AAK1: variants seen among roughly 807,000 people sequenced by gnomAD.
The protein encoded by AAK1 is AP2 associated kinase 1, also known as AP2-associated protein kinase 1.
In AAK1, 37 loss-of-function variants were observed where a neutral mutation model predicts 116.0. That is an observed-to-expected ratio of 0.32 (90% CI 0.25 to 0.42). The LOEUF is 0.42. Among genes scored for constraint, AAK1 ranks in the 10% least tolerant of loss-of-function variants. The pLI is 1.00. For synonymous variants in AAK1, 458 were observed against 439.9 expected (o/e 1.04, Z -0.51); for missense variants, 919 against 1,170.6 (o/e 0.79, Z 3.14).
At chr2:69,495,743 A>AT (rs1675712941) in intron 17 of AAK1, among the ~76,000 whole-genome samples, 1 of 152,190 alleles carries the variant, frequency 6.6e-6, no homozygotes, top group Non-Finnish European at 1.5e-5. Flanking sequence ...AAAACTGAAC[A>AT]TTGATATAAT....
intron 13 of AAK1, among the ~76,000 whole-genome samples, chr2:69,514,130 G>A (rs1199938180): frequency 6.6e-6 from 1 of 152,218 alleles, no homozygotes; most frequent in Non-Finnish European, 1.5e-5. Context: ...CCTTGAAGAA[G>A]AGAAAGGGAT....
intron 16 of AAK1, among the ~76,000 whole-genome samples, chr2:69,504,016 T>A (rs1676077871): frequency 1.4e-5 from 2 of 139,058 alleles, no homozygotes; most frequent in Non-Finnish European, 3.2e-5. Flanking sequence ...AAAAAAAAAA[T>A]TATATTTTAG....
intron 12 of AAK1, among the ~76,000 whole-genome samples, chr2:69,515,174 A>G (rs1160485574): frequency 1.3e-5 from 2 of 152,258 alleles, no homozygotes; most frequent in Admixed American, 1.3e-4. Context: ...AACAGGATGA[A>G]GCAATGATGA....
At chr2:69,514,387 G>A in intron 13 of AAK1, 84 bp downstream of exon 13, 1 of 1,446,110 alleles carries the variant, frequency 6.9e-7, no homozygotes. Flanking sequence ...CTCATCAGCT[G>A]CTGCCATCTT....
intron 2 of AAK1, among the ~76,000 whole-genome samples, chr2:69,568,971 T>C (rs907238526): frequency 6.6e-6 from 1 of 152,158 alleles, no homozygotes; most frequent in Non-Finnish European, 1.5e-5. Flanking sequence ...TTGATTTCAC[T>C]GAGTCTTAAG....
At chr2:69,595,075 T>A in intron 2 of AAK1, 2 of 698,376 alleles carry the variant, frequency 2.9e-6, no homozygotes, top group Non-Finnish European at 5.3e-6. Context: ...GTGAGCACTA[T>A]CAGCATGGAA....
intron 2 of AAK1, among the ~76,000 whole-genome samples, chr2:69,560,025 T>A (rs985653810): frequency 4.6e-5 from 7 of 152,196 alleles, no homozygotes; most frequent in Non-Finnish European, 1.0e-4. Context: ...ATGACCATGA[T>A]AAATCTAAAA....
At position 69,634,175 on chromosome 2, in the gene AAK1, T is replaced by C. The variant is rs536652441; in HGVS notation, c.163+8703A>G. On this transcript the variant is annotated intron_variant, in intron 2 of 21. Coordinates refer to ENST00000409085, the MANE Select transcript of AAK1 (RefSeq NM_014911.5). ...ACAGCAAGACTCTGTCTGAAAAATA[T>C]ATATATAAAAAGAATGTTATGAGAA... 2.6e-3 allele frequency among the ~76,000 whole-genome samples: 365 copies of C among 141,734 alleles called. 2 individuals carry two copies. Among genetic ancestry groups the C allele is most frequent in the Admixed American group, 0.019 (255 of 13,190 alleles). 93.0% of individuals were successfully genotyped at this position (141,734 alleles called of 152,430 possible). A position where few individuals can be genotyped will look rare whatever the true frequency, so the allele number is the denominator to read the frequency against.
intron 13 of AAK1, among the ~76,000 whole-genome samples, chr2:69,509,896 A>G (rs912923858): frequency 2.0e-5 from 3 of 152,332 alleles, no homozygotes; most frequent in East Asian, 1.9e-4. Context: ...GTAAAGGCCA[A>G]TGAAGACGTA....
rs1674624194 is a variant in AAK1 at position 69,470,053 on chromosome 2, A to G, written c.*5816T>C. The G allele has an allele frequency of 1.0e-6, 1 of 985,458 alleles. No homozygotes were observed. Among genetic ancestry groups the G allele is most frequent in the Admixed American group, 6.1e-5 (1 of 16,288 alleles). 61.0% of individuals were successfully genotyped at this position (985,458 alleles called of 1,614,324 possible). On this transcript the variant is annotated 3_prime_UTR_variant, in exon 22 of 22. Transcript: ENST00000409085. ...TTCCCCTGGAAACTCCATCTGATTG[A>G]CATAGTGAGGGCCATCAGAATGCTC...
At chr2:69,530,190 T>C in intron 7 of AAK1, 50 bp from the exon 8 acceptor site, 1 of 1,540,100 alleles carries the variant, frequency 6.5e-7, no homozygotes, top group Non-Finnish European at 8.7e-7. Flanking sequence ...TTATCATGAC[T>C]CTAAATGGAT....
In AAK1 at chr2:69,469,472, T is replaced by C. The variant is rs1024778331; in HGVS notation, c.*6397A>G. ...CAGTTCCTTTATATGAAGGTAGCAT[T>C]GTGTCAACAAGAAAACGTGTTTGAA... On this transcript the variant is annotated 3_prime_UTR_variant, in exon 22 of 22. Coordinates refer to ENST00000409085, the MANE Select transcript of AAK1 (RefSeq NM_014911.5). The C allele has an allele frequency of 1.0e-6, 1 of 985,482 alleles. No individual in the cohort carries two copies. Among genetic ancestry groups the C allele is most frequent in the Non-Finnish European group, 1.2e-6 (1 of 829,940 alleles). The allele number at this position is 985,482 out of a possible 1,614,324, so 61.0% of individuals were successfully genotyped here.
rs1430091013 is a variant in AAK1 at position 69,460,463 on chromosome 2, C to T, written c.*15406G>A. 1 of 152,536 alleles carries T rather than the reference C, an allele frequency of 6.6e-6. No homozygotes were observed. Among genetic ancestry groups the T allele is most frequent in the African/African-American group, 2.4e-5 (1 of 41,420 alleles). 9.4% of individuals were successfully genotyped at this position (152,536 alleles called of 1,614,324 possible). A position where few individuals can be genotyped will look rare whatever the true frequency, so the allele number is the denominator to read the frequency against. ...TGATTATGCATCAGTGAAATGTCCA[C>T]CAAGCAGTTGAAAACACTGATGTAC... On this transcript the variant is annotated 3_prime_UTR_variant, in exon 22 of 22. Transcript: ENST00000409085.
chr2:69,461,267 TA>T lies in AAK1; in HGVS notation c.*14601del, dbSNP rs1291020726. The T allele has an allele frequency of 5.5e-6, 1 of 180,706 alleles. No homozygotes were observed. Among genetic ancestry groups the T allele is most frequent in the Non-Finnish European group, 1.2e-5 (1 of 85,660 alleles). The allele number at this position is 180,706 out of a possible 1,614,324, so 11.2% of individuals were successfully genotyped here. ...GGCTGGACCATATAGCCTAGGTAGGTAGTAGGCCGTGCCATCTAGGTTTGTG... is the reference window on the plus strand; with the variant it reads ...GGCTGGACCATATAGCCTAGGTAGGTGTAGGCCGTGCCATCTAGGTTTGTG... On this transcript the variant is annotated 3_prime_UTR_variant, in exon 22 of 22. Transcript: ENST00000409085.
Position 69,474,475 on chromosome 2 carries a change from G to A in AAK1, c.*1394C>T. ...CCATGAGGCATGTTGTCATGTTAGT[G>A]CAGGGGCCTTTATTTATTTTATGAA... On this transcript the variant is annotated 3_prime_UTR_variant, in exon 22 of 22. Coordinates refer to ENST00000409085, the MANE Select transcript of AAK1 (RefSeq NM_014911.5). The A allele has an allele frequency of 1.0e-6, 1 of 985,360 alleles. No individual in the cohort carries two copies. Among genetic ancestry groups the A allele is most frequent in the South Asian group, 4.7e-5 (1 of 21,282 alleles). 61.0% of individuals were successfully genotyped at this position (985,360 alleles called of 1,614,324 possible). A position where few individuals can be genotyped will look rare whatever the true frequency, so the allele number is the denominator to read the frequency against.
intron 2 of AAK1, among the ~76,000 whole-genome samples, chr2:69,558,080 T>G (rs1671462602): frequency 6.6e-6 from 1 of 152,184 alleles, no homozygotes; most frequent in African/African-American, 2.4e-5. Context: ...TGGTGGCTCA[T>G]GCCTGTAATC....
chr2:69,503,214 T>C (rs988235709), intron 16 of AAK1, among the ~76,000 whole-genome samples: 8 of 152,172 alleles, frequency 5.3e-5, no homozygotes, highest in African/African-American at 1.9e-4. Context: ...TCAAATATTA[T>C]TAAATGACAA....
intron 2 of AAK1, among the ~76,000 whole-genome samples, chr2:69,633,491 C>G (rs1190765219): frequency 6.6e-6 from 1 of 151,044 alleles, no homozygotes; most frequent in Non-Finnish European, 1.5e-5. Context: ...GTACCAGCTA[C>G]TTGGGAGACT....
Position 69,465,509 on chromosome 2 carries a change from G to A in AAK1, c.*10360C>T, listed in dbSNP as rs1674456913. 2 of 1,290,796 alleles carry A rather than the reference G, an allele frequency of 1.5e-6. No individual in the cohort carries two copies. Among genetic ancestry groups the A allele is most frequent in the Admixed American group, 2.3e-5 (1 of 43,544 alleles). 80.0% of individuals were successfully genotyped at this position (1,290,796 alleles called of 1,614,324 possible). A position where few individuals can be genotyped will look rare whatever the true frequency, so the allele number is the denominator to read the frequency against. ...GCAGCTCCGTAGTCCTGGAGGAAAG[G>A]GATGTGATAGAAACAGACCCAGCTA... On this transcript the variant is annotated 3_prime_UTR_variant, in exon 22 of 22. Transcript: ENST00000409085.
Sources: allele counts gnomAD v4.1 joint callset (sites outside exome capture counted in the v4.1 genomes callset), GRCh38; gene constraint gnomAD v4.1.1; transcripts MANE v1.5; gene names NCBI Gene and HGNC (gene_info 2026-07-23, HGNC 2026-07-21).